Variants in ZNF407 observed in about 807,000 individuals in gnomAD.
ZNF407 encodes the protein zinc finger protein 407.
A neutral mutation model predicts 131.2 loss-of-function variants in ZNF407; 17 were observed. The observed-to-expected ratio is 0.13, with a 90% confidence interval of 0.09 to 0.19. The LOEUF (loss-of-function observed/expected upper bound fraction) is 0.19, where lower values mean the gene tolerates loss of function less well. Ranked by LOEUF, ZNF407 falls within the 10% of genes least tolerant of loss-of-function variation. The pLI is 1.00. For synonymous variants in ZNF407, 1,156 were observed against 1,062.0 expected (o/e 1.09, Z -1.72); for missense variants, 2,681 against 2,830.6 (o/e 0.95, Z 1.20).
intron 8 of ZNF407, among the ~76,000 whole-genome samples, chr18:75,047,579 A>G (rs1973450383): frequency 6.6e-6 from 1 of 152,184 alleles, no homozygotes; most frequent in Non-Finnish European, 1.5e-5. Flanking sequence ...TACCTACTGT[A>G]CTTCCTGGAA....
intron 8 of ZNF407, among the ~76,000 whole-genome samples, chr18:75,020,727 A>T (rs58350752): frequency 0.16 from 24,701 of 152,226 alleles, 2,187 homozygotes; most frequent in Admixed American, 0.27. Flanking sequence ...ATACCCATTT[A>T]AAAAAATTTA....
intron 8 of ZNF407, among the ~76,000 whole-genome samples, chr18:75,001,136 T>C (rs1488599255): frequency 6.6e-6 from 1 of 152,166 alleles, no homozygotes; most frequent in Non-Finnish European, 1.5e-5. Flanking sequence ...GCAGTGTTTG[T>C]TTCTCCAGGG....
chr18:74,601,305 T>TTGTG (rs748852719), intron 1 of ZNF407, among the ~76,000 whole-genome samples: 15 of 141,166 alleles, frequency 1.1e-4, no homozygotes, highest in African/African-American at 2.7e-4. Context: ...CTTCAGTTAG[T>TTGTG]TGTGTGTGTG....
chr18:74,802,156 A>G (rs954506709), intron 4 of ZNF407, among the ~76,000 whole-genome samples: 4 of 152,224 alleles, frequency 2.6e-5, no homozygotes, highest in African/African-American at 9.6e-5. Context: ...AAATGTACAT[A>G]TAGTTATACT....
chr18:74,811,772 G>A (rs1970199000), intron 4 of ZNF407, among the ~76,000 whole-genome samples: 1 of 151,676 alleles, frequency 6.6e-6, no homozygotes, highest in African/African-American at 2.4e-5. Context: ...ACTATTGCAA[G>A]AGCAAAAAAC....
chr18:74,872,180 C>G (rs1299092869), intron 4 of ZNF407, among the ~76,000 whole-genome samples: 1 of 151,062 alleles, frequency 6.6e-6, no homozygotes, highest in Admixed American at 6.6e-5. Context: ...GCCCCGCCCC[C>G]CTCCACAGGC....
At chr18:74,914,436 C>T (rs1439404205) in intron 7 of ZNF407, among the ~76,000 whole-genome samples, 1 of 152,210 alleles carries the variant, frequency 6.6e-6, no homozygotes. Context: ...CCTTTCCCCT[C>T]CGTCACTTCC....
At chr18:75,022,126 T>G (rs181788029) in intron 8 of ZNF407, among the ~76,000 whole-genome samples, 55 of 152,198 alleles carry the variant, frequency 3.6e-4, no homozygotes, top group African/African-American at 1.3e-3. Flanking sequence ...GCAAACTTTT[T>G]TAAAAGAAAA....
At chr18:74,712,749 G>C (rs1294859511) in intron 3 of ZNF407, among the ~76,000 whole-genome samples, 4 of 152,194 alleles carry the variant, frequency 2.6e-5, no homozygotes, top group African/African-American at 9.7e-5. Context: ...AGTGGGGAAA[G>C]AGTATGAATT....
intron 3 of ZNF407, among the ~76,000 whole-genome samples, chr18:74,728,755 G>C (rs530521321): frequency 6.6e-6 from 1 of 152,292 alleles, no homozygotes; most frequent in Non-Finnish European, 1.5e-5. Context: ...CCAGTGGAGA[G>C]CGTGCTGTGT....
chr18:74,608,508 G>A lies in ZNF407; in HGVS notation c.-54+10571G>A, dbSNP rs184979050. ...ATTACAGGAGTGCACCACCACATCC[G>A]GCTAATTTTTGTGTTTTTGGTAGAT... On this transcript the variant is annotated intron_variant, in intron 1 of 8. Transcript: ENST00000299687. 2.4e-3 allele frequency among the ~76,000 whole-genome samples: 362 copies of A among 152,072 alleles called. 8 individuals are homozygous for A. The highest frequency in any genetic ancestry group is 8.1e-4 in the Non-Finnish European group (55 of 67,986).
intron 3 of ZNF407, among the ~76,000 whole-genome samples, chr18:74,702,337 A>C (rs117100949): frequency 2.0e-5 from 3 of 152,320 alleles, no homozygotes; most frequent in Non-Finnish European, 4.4e-5. Context: ...GTTACCCAAA[A>C]TATATAATTT....
intron 8 of ZNF407, among the ~76,000 whole-genome samples, chr18:75,047,677 A>G (rs563063450): frequency 1.3e-5 from 2 of 152,366 alleles, no homozygotes; most frequent in South Asian, 4.1e-4. Flanking sequence ...TAAATTAAGT[A>G]AGACAACAAC....
At chr18:75,046,921 A>G (rs931386481) in intron 8 of ZNF407, among the ~76,000 whole-genome samples, 1 of 152,238 alleles carries the variant, frequency 6.6e-6, no homozygotes, top group Non-Finnish European at 1.5e-5. Context: ...CAAATAAATT[A>G]TGTTCATGGC....
intron 8 of ZNF407, among the ~76,000 whole-genome samples, chr18:75,036,033 C>T (rs192143373): frequency 1.4e-3 from 211 of 152,310 alleles, no homozygotes; most frequent in Non-Finnish European, 2.3e-3. Flanking sequence ...ATGACTTCTG[C>T]TGGTGCCAAA....
intron 3 of ZNF407, among the ~76,000 whole-genome samples, chr18:74,679,476 G>A (rs1487775538): frequency 6.6e-6 from 1 of 152,204 alleles, no homozygotes; most frequent in Non-Finnish European, 1.5e-5. Context: ...CTGGCATGTA[G>A]TGGGCATTCA....
intron 3 of ZNF407, among the ~76,000 whole-genome samples, chr18:74,739,340 G>A (rs1277221109): frequency 6.6e-6 from 1 of 151,930 alleles, no homozygotes; most frequent in Non-Finnish European, 1.5e-5. Flanking sequence ...AGGGAAAAGG[G>A]ACACCTGGCT....
Position 74,633,979 on chromosome 18 carries a change from A to T in ZNF407, c.2960A>T (p.Asp987Val), listed in dbSNP as rs747640906. ...LDGEVNSHLL[D>V]KKEQISSEPE... Reference sequence around the variant, plus strand: ...GGAGAAGTTAACAGCCATCTTCTTGATAAAAAGGAGCAAATATCTTCAGAG... The same window carrying T: ...GGAGAAGTTAACAGCCATCTTCTTGTTAAAAAGGAGCAAATATCTTCAGAG... Residue 987 changes from aspartate (D) to valine (V), a missense_variant, in exon 2 of 9, where the codon GAT becomes GTT. Around this residue, in one of 6 missense-constraint regions of ZNF407, gnomAD observed 1,789 missense variants for 1,748.7 expected, o/e 1.02. Coordinates refer to ENST00000299687, the MANE Select transcript of ZNF407 (RefSeq NM_017757.3). 1.2e-6 allele frequency: 2 copies of T among 1,614,058 alleles called. No individual in the cohort carries two copies. The highest frequency in any genetic ancestry group is 1.7e-6 in the Non-Finnish European group (2 of 1,179,906).
intron 3 of ZNF407, among the ~76,000 whole-genome samples, chr18:74,728,238 G>A (rs926656761): frequency 2.6e-5 from 4 of 152,156 alleles, no homozygotes; most frequent in Admixed American, 6.5e-5. Context: ...TTTGATATAC[G>A]AAGTCACAGA....
Sources: allele counts gnomAD v4.1 joint callset (sites outside exome capture counted in the v4.1 genomes callset), GRCh38; gene constraint gnomAD v4.1.1; regional missense constraint gnomAD v4.1.1; transcripts MANE v1.5; gene names NCBI Gene and HGNC (gene_info 2026-07-23, HGNC 2026-07-21).